MCHR2: variants seen among roughly 807,000 people sequenced by gnomAD.
MCHR2 encodes melanin concentrating hormone receptor 2.
MCHR2 carries 15 observed loss-of-function variants against 24.8 expected under a neutral mutation model. That is an observed-to-expected ratio of 0.60 (90% confidence interval 0.40 to 0.93). The LOEUF is 0.93. Among genes scored for constraint, MCHR2 ranks in the 40% least tolerant of loss-of-function variants. The pLI is 0.00. For missense variants in MCHR2, 386 were observed against 408.7 expected (o/e 0.94, Z 0.48); for synonymous variants, 151 against 147.6 (o/e 1.02, Z -0.17).
At chr6:99,988,168 C>A (rs1414664003) in intron 1 of MCHR2, among the ~76,000 whole-genome samples, 1 of 152,212 alleles carries the variant, frequency 6.6e-6, no homozygotes, top group Non-Finnish European at 1.5e-5. Flanking sequence ...ATAGCTTAAA[C>A]ATAACAGTGA....
chr6:99,921,102 A>G lies in MCHR2; in HGVS notation c.861T>C (p.Gly287=), dbSNP rs751631867. ...MEQPTLAFYV[G]YYLSICLSYA... Reference sequence around the variant, plus strand: ...AGCTGAGACAGATGGAGAGGTAATAACCCACATAGAAGGCCAGTGTGGGCT... The same window carrying G: ...AGCTGAGACAGATGGAGAGGTAATAGCCCACATAGAAGGCCAGTGTGGGCT... The change falls in exon 6 of 6, where the codon GGT becomes GGC. Residue 287 remains glycine, a synonymous_variant. Transcript: ENST00000281806. 1.2e-6 allele frequency: 2 copies of G among 1,614,152 alleles called. No individual in the cohort carries two copies. The highest frequency in any genetic ancestry group is 8.5e-7 in the Non-Finnish European group (1 of 1,180,012).
chr6:99,921,303 T>C (rs199559372), intron 5 of MCHR2, 48 bp from the exon 6 acceptor site: 23 of 1,546,350 alleles, frequency 1.5e-5, no homozygotes, highest in Non-Finnish European at 2.0e-5. Context: ...ACCATAGAAA[T>C]TATGGGGCAA....
intron 5 of MCHR2, among the ~76,000 whole-genome samples, chr6:99,930,634 C>G (rs527721664): frequency 6.6e-6 from 1 of 152,300 alleles, no homozygotes; most frequent in Admixed American, 6.5e-5. Flanking sequence ...TCGCCATCAG[C>G]TCCTGAGGCT....
chr6:99,987,116 T>TTTA (rs1775784863), intron 1 of MCHR2, among the ~76,000 whole-genome samples: 1 of 123,732 alleles, frequency 8.1e-6, no homozygotes, highest in Non-Finnish European at 1.8e-5. Flanking sequence ...TTATTTATTT[T>TTTA]TTGAGACAGA....
At chr6:99,973,593 T>G (rs369505707) in intron 1 of MCHR2, among the ~76,000 whole-genome samples, 3 of 152,252 alleles carry the variant, frequency 2.0e-5, no homozygotes, top group African/African-American at 7.2e-5. Flanking sequence ...TGTGTGAATT[T>G]GATCCTGTCA....
chr6:99,925,986 G>A (rs1415276892), intron 5 of MCHR2, among the ~76,000 whole-genome samples: 2 of 150,748 alleles, frequency 1.3e-5, no homozygotes, highest in African/African-American at 4.9e-5. Flanking sequence ...CCTTCCCCCT[G>A]CCCCCACCCC....
At position 99,931,634 on chromosome 6, in the gene MCHR2, C is replaced by T. The variant is rs928654416; in HGVS notation, c.707+2764G>A. ...GCGAGACTCTGTGGGCGTAGGACCCCCTGAGCCATGTGCAGGATATAATCT... is the reference window on the plus strand; with the variant it reads ...GCGAGACTCTGTGGGCGTAGGACCCTCTGAGCCATGTGCAGGATATAATCT... On this transcript the variant is annotated intron_variant, in intron 5 of 5. Coordinates refer to ENST00000281806, the MANE Select transcript of MCHR2 (RefSeq NM_001040179.2). 7.9e-5 allele frequency among the ~76,000 whole-genome samples: 12 copies of T among 152,278 alleles called. 1 individual carries two copies. The East Asian group carries it at 2.1e-3, about 27-fold the overall frequency.
chr6:99,958,167 C>T (rs766953542), intron 1 of MCHR2, among the ~76,000 whole-genome samples: 21 of 151,722 alleles, frequency 1.4e-4, no homozygotes, highest in African/African-American at 3.6e-4. Context: ...TAAAGAGAGC[C>T]CCCAAACAGA....
In MCHR2 at chr6:99,934,458, C is replaced by A; in HGVS notation, c.647G>T (p.Cys216Phe). 6.2e-7 allele frequency: 1 copy of A among 1,604,104 alleles called. No individual in the cohort carries two copies. Residue 216 changes from cysteine (C) to phenylalanine (F), a missense_variant, in exon 5 of 6, where the codon TGC becomes TTC. Physicochemically the swap from Cys to Phe is radical, Grantham distance 205. Coordinates refer to ENST00000281806, the MANE Select transcript of MCHR2 (RefSeq NM_001040179.2). ...FFFPLPLILV[C>F]YILILCYTWE... ...AGTATAGCATAAAATTAAAATATAG[C>A]ACACCAAAATCAAGGGTAGAGGGAA... is the stretch of plus-strand genomic sequence containing the variant.
At chr6:99,938,707 G>T (rs1049485119) in intron 4 of MCHR2, among the ~76,000 whole-genome samples, 2 of 152,002 alleles carry the variant, frequency 1.3e-5, no homozygotes, top group African/African-American at 4.8e-5. Flanking sequence ...GGCCTATTAG[G>T]TCTAGTGTGT....
chr6:99,946,595 G>A (rs1450014643), intron 3 of MCHR2, among the ~76,000 whole-genome samples: 1 of 152,032 alleles, frequency 6.6e-6, no homozygotes, highest in African/African-American at 2.4e-5. Context: ...TGAGTGCCAG[G>A]CACTGTTACA....
At chr6:99,943,282 T>C in intron 3 of MCHR2, 139 bp from the exon 4 acceptor site, 1 of 275,754 alleles carries the variant, frequency 3.6e-6, no homozygotes, top group Non-Finnish European at 6.8e-6. Flanking sequence ...AAAGAAAGTT[T>C]TATATATATA....
In MCHR2 at chr6:99,943,159, G is replaced by A; in HGVS notation, c.393-16C>T. The A allele has an allele frequency of 4.4e-6, 7 of 1,597,264 alleles. No homozygotes were observed. Among genetic ancestry groups the A allele is most frequent in the Non-Finnish European group, 6.0e-6 (7 of 1,170,238 alleles). The stretch of plus-strand genomic sequence containing the variant: ...GGCAAAGTACCTGCAAAGGCAGTCA[G>A]GAAGAGTTTTGGAACAATCAATAAA... On this transcript the variant is annotated splice_polypyrimidine_tract_variant and intron_variant, in intron 3 of 5. Transcript: ENST00000281806.
intron 1 of MCHR2, among the ~76,000 whole-genome samples, chr6:99,990,422 G>A (rs1775851874): frequency 6.6e-6 from 1 of 152,184 alleles, no homozygotes; most frequent in South Asian, 2.1e-4. Flanking sequence ...CCCTGTATGT[G>A]TGTGTGTGTA....
chr6:99,941,487 A>T (rs1335582302), intron 4 of MCHR2, among the ~76,000 whole-genome samples: 1 of 152,118 alleles, frequency 6.6e-6, no homozygotes, highest in Non-Finnish European at 1.5e-5. Context: ...GTGTTCCCTC[A>T]AAATTCCTAT....
chr6:99,987,717 T>G (rs781251960), intron 1 of MCHR2, among the ~76,000 whole-genome samples: 3 of 151,884 alleles, frequency 2.0e-5, no homozygotes, highest in Non-Finnish European at 4.4e-5. Flanking sequence ...GTAAGCAAAA[T>G]ATAAGAAATT....
chr6:99,931,740 C>CA (rs1774547667), intron 5 of MCHR2, among the ~76,000 whole-genome samples: 2 of 152,308 alleles, frequency 1.3e-5, no homozygotes, highest in African/African-American at 4.8e-5. Context: ...TGCCGTCTGT[C>CA]ACCCCTTTCT....
chr6:99,924,079 C>T lies in MCHR2; in HGVS notation c.708-2824G>A, dbSNP rs141530358. ...GGAGACTTTTAATTATGGCTTTGAT[C>T]TTGTTACTTGTTAGTGGTCTGTTCA... On this transcript the variant is annotated intron_variant, in intron 5 of 5. Transcript: ENST00000281806. Among the ~76,000 whole-genome samples, 845 of 152,090 alleles carry T rather than the reference C, an allele frequency of 5.6e-3. 3 individuals carry two copies. Among genetic ancestry groups the T allele is most frequent in the Middle Eastern group, 0.01 (3 of 294 alleles).
intron 5 of MCHR2, among the ~76,000 whole-genome samples, chr6:99,927,234 T>C (rs1774385028): frequency 1.3e-5 from 2 of 152,250 alleles, no homozygotes; most frequent in African/African-American, 4.8e-5. Flanking sequence ...TTTTGGTTAC[T>C]GCAGCCTTGT....
Sources: allele counts gnomAD v4.1 joint callset (sites outside exome capture counted in the v4.1 genomes callset), GRCh38; gene constraint gnomAD v4.1.1; transcripts MANE v1.5; gene names NCBI Gene and HGNC (gene_info 2026-07-23, HGNC 2026-07-21).